The following TBC1D5 variants were observed in gnomAD, a reference collection of about 807,000 sequenced individuals.
TBC1D5 encodes TBC1 domain family member 5.
Under a neutral mutation model 100.3 loss-of-function variants are expected in TBC1D5, and 75 were observed. That is an observed-to-expected ratio of 0.75 (90% confidence interval 0.62 to 0.91). The LOEUF is 0.91. Among genes scored for constraint, TBC1D5 ranks in the 40% least tolerant of loss-of-function variants. TBC1D5 has a pLI of 0.00. For missense variants in TBC1D5, 910 were observed against 942.4 expected (o/e 0.97, Z 0.45); for synonymous variants, 323 against 325.6 (o/e 0.99, Z 0.09).
At chr3:17,704,287 G>A (rs1260602149) in intron 1 of TBC1D5, among the ~76,000 whole-genome samples, 1 of 148,052 alleles carries the variant, frequency 6.8e-6, no homozygotes, top group East Asian at 2.0e-4. Flanking sequence ...TTTTCTTAGT[G>A]CAGAACAAAA....
chr3:17,490,376 T>C (rs1157700478), intron 3 of TBC1D5, among the ~76,000 whole-genome samples: 2 of 152,222 alleles, frequency 1.3e-5, no homozygotes, highest in Non-Finnish European at 2.9e-5. Context: ...TTTGTTGCAA[T>C]TGCTTTTGGG....
chr3:17,179,823 A>G (rs2068237031), intron 19 of TBC1D5, among the ~76,000 whole-genome samples: 1 of 152,254 alleles, frequency 6.6e-6, no homozygotes, highest in Non-Finnish European at 1.5e-5. Flanking sequence ...AAGCTGCTGG[A>G]AACCAAGGTG....
At chr3:17,272,598 A>C (rs2079546019) in intron 15 of TBC1D5, among the ~76,000 whole-genome samples, 2 of 152,208 alleles carry the variant, frequency 1.3e-5, no homozygotes, top group Admixed American at 1.3e-4. Flanking sequence ...TTTTATAGGT[A>C]AAGAAAGAGG....
intron 9 of TBC1D5, among the ~76,000 whole-genome samples, chr3:17,377,741 T>C (rs1490585204): frequency 3.3e-5 from 5 of 151,994 alleles, no homozygotes; most frequent in African/African-American, 4.8e-5. Flanking sequence ...ATAAAGATAA[T>C]ATGCAAGTTA....
intron 2 of TBC1D5, among the ~76,000 whole-genome samples, chr3:17,584,961 TTA>T (rs1156712829): frequency 2.0e-5 from 3 of 151,910 alleles, no homozygotes; most frequent in Non-Finnish European, 4.4e-5. Context: ...CAGCCAACAT[TTA>T]TTTTTTCGAC....
At chr3:17,364,636 A>G (rs1282336435) in intron 13 of TBC1D5, among the ~76,000 whole-genome samples, 1 of 152,232 alleles carries the variant, frequency 6.6e-6, no homozygotes, top group African/African-American at 2.4e-5. Flanking sequence ...GATATTGTCT[A>G]TAAAGCCAGT....
chr3:17,519,658 C>T (rs748765157), intron 2 of TBC1D5, among the ~76,000 whole-genome samples: 16 of 152,138 alleles, frequency 1.1e-4, no homozygotes, highest in Non-Finnish European at 2.2e-4. Flanking sequence ...ATCATTTATT[C>T]AATGAATCAA....
intron 14 of TBC1D5, among the ~76,000 whole-genome samples, chr3:17,300,917 C>A (rs922971161): frequency 2.0e-5 from 3 of 151,664 alleles, no homozygotes; most frequent in Non-Finnish European, 2.9e-5. Flanking sequence ...ACTAAACATA[C>A]AAAAATTAGC....
At chr3:17,703,633 CTAA>C (rs1400659867) in intron 1 of TBC1D5, among the ~76,000 whole-genome samples, 1 of 152,002 alleles carries the variant, frequency 6.6e-6, no homozygotes, top group African/African-American at 2.4e-5. Flanking sequence ...CAGGAAGATT[CTAA>C]TAACTGAAAT....
chr3:17,423,773 T>C (rs533801579), intron 4 of TBC1D5, among the ~76,000 whole-genome samples: 1 of 152,292 alleles, frequency 6.6e-6, no homozygotes, highest in African/African-American at 2.4e-5. Context: ...TTAAATATAA[T>C]GTACACATTT....
chr3:17,504,546 G>A (rs1490772362), intron 3 of TBC1D5, among the ~76,000 whole-genome samples: 7 of 152,124 alleles, frequency 4.6e-5, no homozygotes, highest in Admixed American at 3.9e-4. Flanking sequence ...AAGGCCCAGA[G>A]TTTAGAACTG....
At chr3:17,506,535 G>C (rs961442222) in intron 3 of TBC1D5, among the ~76,000 whole-genome samples, 1 of 152,158 alleles carries the variant, frequency 6.6e-6, no homozygotes. Context: ...AGTTGGAAGA[G>C]TCATTAGTCA....
chr3:17,226,689 C>T (rs961276055), intron 17 of TBC1D5, among the ~76,000 whole-genome samples: 2 of 152,138 alleles, frequency 1.3e-5, no homozygotes, highest in African/African-American at 4.8e-5. Flanking sequence ...GCAAAGCGGT[C>T]GGTTTAGCTC....
At chr3:17,627,230 G>A (rs2063131720) in intron 1 of TBC1D5, among the ~76,000 whole-genome samples, 1 of 152,090 alleles carries the variant, frequency 6.6e-6, no homozygotes, top group Non-Finnish European at 1.5e-5. Context: ...GATAACAGGA[G>A]GGAACAAAGA....
intron 18 of TBC1D5, among the ~76,000 whole-genome samples, chr3:17,195,156 A>G (rs1465836666): frequency 6.6e-6 from 1 of 152,212 alleles, no homozygotes; most frequent in African/African-American, 2.4e-5. Context: ...AGAAGTGCTT[A>G]TGTATGGGAG....
intron 14 of TBC1D5, among the ~76,000 whole-genome samples, chr3:17,302,260 G>A (rs973359644): frequency 2.0e-5 from 3 of 149,618 alleles, no homozygotes; most frequent in African/African-American, 7.4e-5. Flanking sequence ...CTCTGCTTCT[G>A]GCTGTCTTCA....
exon 8 of TBC1D5, chr3:17,403,209 A>T: frequency 6.3e-7 from 1 of 1,592,448 alleles, no homozygotes. Flanking sequence ...TCAATCATTG[A>T]TCGAAGTTCT....
At chr3:17,704,471 G>A (rs1577641430) in intron 1 of TBC1D5, among the ~76,000 whole-genome samples, 1 of 144,770 alleles carries the variant, frequency 6.9e-6, no homozygotes, top group African/African-American at 2.5e-5. Context: ...CCGGGCAGAG[G>A]GGCTCCTCAC....
At chr3:17,714,061 G>T (rs2075009764) in intron 1 of TBC1D5, among the ~76,000 whole-genome samples, 1 of 152,124 alleles carries the variant, frequency 6.6e-6, no homozygotes, top group African/African-American at 2.4e-5. Flanking sequence ...GGCGGCCTTA[G>T]GCTGTCTTCC....
Sources: gnomAD v4.1 joint callset for allele counts (sites outside exome capture counted in the v4.1 genomes callset) on GRCh38, gnomAD v4.1.1 for gene constraint, MANE v1.5 for transcripts, NCBI Gene and HGNC (gene_info 2026-07-23, HGNC 2026-07-21) for gene names.